BICD1: variants seen among roughly 807,000 people sequenced by gnomAD.
BICD1 encodes protein bicaudal D homolog 1.
BICD1 carries 35 observed loss-of-function variants against 92.5 expected under a neutral mutation model. The ratio of observed to expected loss-of-function variants is 0.38; its 90% CI spans 0.29 to 0.50. The LOEUF is 0.50. Ranked by LOEUF, BICD1 falls within the 20% of genes least tolerant of loss-of-function variation. The pLI, the probability that BICD1 is intolerant of heterozygous loss-of-function variation, is 0.93. For missense variants in BICD1, 950 were observed against 1,189.8 expected, an observed-to-expected ratio of 0.80 and a Z score of 2.97; for synonymous variants, 429 against 465.1, an observed-to-expected ratio of 0.92 and a Z score of 1.00.
intron 9 of BICD1, among the ~76,000 whole-genome samples, chr12:32,375,301 G>A (rs546351913): frequency 6.6e-6 from 1 of 152,148 alleles, no homozygotes; most frequent in South Asian, 2.1e-4. Flanking sequence ...GGCCGAGGTG[G>A]GCAGATCACT....
At chr12:32,177,747 T>TATATATAAATATTTTAATATATATTTA (rs1944151647) in intron 1 of BICD1, among the ~76,000 whole-genome samples, 1 of 82,216 alleles carries the variant, frequency 1.2e-5, no homozygotes, top group Non-Finnish European at 2.6e-5. Flanking sequence ...TTATATAAAA[T>TATATATAAATATTTTAATATATATTTA]ATATATAAAT....
chr12:32,143,785 C>A (rs1943025545), intron 1 of BICD1, among the ~76,000 whole-genome samples: 1 of 152,188 alleles, frequency 6.6e-6, no homozygotes, highest in African/African-American at 2.4e-5. Flanking sequence ...TCTCTATTCT[C>A]ACCATCATTG....
chr12:32,232,374 C>T (rs1482781413), intron 2 of BICD1, among the ~76,000 whole-genome samples: 1 of 152,064 alleles, frequency 6.6e-6, no homozygotes, highest in Non-Finnish European at 1.5e-5. Flanking sequence ...TTTTTGGCTG[C>T]ATAAATGTCT....
At chr12:32,154,618 A>G (rs935787529) in intron 1 of BICD1, among the ~76,000 whole-genome samples, 2 of 152,086 alleles carry the variant, frequency 1.3e-5, no homozygotes, top group Non-Finnish European at 2.9e-5. Flanking sequence ...CTTGAGAACC[A>G]CCTTTTCCAC....
intron 6 of BICD1, among the ~76,000 whole-genome samples, chr12:32,336,753 C>T (rs1006080131): frequency 1.3e-5 from 2 of 152,174 alleles, no homozygotes; most frequent in African/African-American, 4.8e-5. Context: ...GACTGTTATT[C>T]GTCTGTTACA....
chr12:32,205,566 C>G (rs1026060091), intron 1 of BICD1, among the ~76,000 whole-genome samples: 12 of 151,146 alleles, frequency 7.9e-5, no homozygotes, highest in Non-Finnish European at 1.5e-4. Flanking sequence ...ATTAAATTTA[C>G]TGAAATATAA....
intron 1 of BICD1, among the ~76,000 whole-genome samples, chr12:32,133,489 G>GA (rs556254282): frequency 8.2e-4 from 117 of 142,416 alleles, no homozygotes; most frequent in African/African-American, 8.7e-4. Context: ...CTCCATCTGG[G>GA]AAAAAAAAAA....
At chr12:32,114,044 A>AT (rs1467426329) in intron 1 of BICD1, among the ~76,000 whole-genome samples, 9 of 151,520 alleles carry the variant, frequency 5.9e-5, no homozygotes, top group Admixed American at 1.3e-4. Context: ...TAGTTTTTGT[A>AT]TTTTTTTTAG....
chr12:32,230,222 G>A (rs1262505207), intron 2 of BICD1, among the ~76,000 whole-genome samples: 7 of 151,858 alleles, frequency 4.6e-5, no homozygotes, highest in African/African-American at 1.7e-4. Flanking sequence ...CCTGCCATAG[G>A]AGAGAAGATC....
At chr12:32,323,680 C>T (rs760265266) in intron 4 of BICD1, among the ~76,000 whole-genome samples, 6 of 152,174 alleles carry the variant, frequency 3.9e-5, no homozygotes, top group Non-Finnish European at 8.8e-5. Context: ...ACTTAAAAGC[C>T]TCTAAATAAC....
chr12:32,306,286 C>T (rs1456931181), intron 4 of BICD1, among the ~76,000 whole-genome samples, 164 bp downstream of exon 4: 1 of 152,104 alleles, frequency 6.6e-6, no homozygotes, highest in Non-Finnish European at 1.5e-5. Flanking sequence ...CTCCATCGCC[C>T]AGGCTGGAGT....
At chr12:32,193,758 G>C (rs996954225) in intron 1 of BICD1, among the ~76,000 whole-genome samples, 1 of 152,164 alleles carries the variant, frequency 6.6e-6, no homozygotes, top group African/African-American at 2.4e-5. Flanking sequence ...GGCTTCTTTG[G>C]TGAGTTCTAC....
At chr12:32,232,427 A>G (rs1945919343) in intron 2 of BICD1, among the ~76,000 whole-genome samples, 1 of 151,470 alleles carries the variant, frequency 6.6e-6, no homozygotes, top group East Asian at 1.9e-4. Flanking sequence ...CTACTTTTTG[A>G]TGGGGTTGTT....
chr12:32,304,668 C>T (rs564925505), intron 3 of BICD1, among the ~76,000 whole-genome samples: 4 of 152,110 alleles, frequency 2.6e-5, no homozygotes, highest in Non-Finnish European at 5.9e-5. Context: ...CCTTCATGAC[C>T]AAGAGATTGT....
intron 1 of BICD1, among the ~76,000 whole-genome samples, chr12:32,111,372 TG>T (rs995508469): frequency 6.6e-6 from 1 of 152,248 alleles, no homozygotes; most frequent in African/African-American, 2.4e-5. Flanking sequence ...GGTGACCTGA[TG>T]AATGCCACTT....
intron 1 of BICD1, 99 bp downstream of exon 1, chr12:32,107,643 G>A: frequency 7.6e-7 from 1 of 1,322,404 alleles, no homozygotes; most frequent in Non-Finnish European, 1.1e-6. Context: ...GTGATTGAAA[G>A]GACTGTTTTT....
At chr12:32,133,049 G>A (rs1341136799) in intron 1 of BICD1, among the ~76,000 whole-genome samples, 1 of 152,098 alleles carries the variant, frequency 6.6e-6, no homozygotes, top group Admixed American at 6.5e-5. Context: ...TAGGAAGAAT[G>A]TAAAGAAATC....
chr12:32,335,114 A>C (rs1175031422), intron 6 of BICD1, among the ~76,000 whole-genome samples: 1 of 152,140 alleles, frequency 6.6e-6, no homozygotes, highest in East Asian at 1.9e-4. Context: ...ATACTGTCAT[A>C]ATGAAGATTA....
chr12:32,252,156 T>TTTATTATAAATATATAA (rs1946579584), intron 2 of BICD1, among the ~76,000 whole-genome samples: 1 of 37,110 alleles, frequency 2.7e-5, no homozygotes. Context: ...ATATTACATA[T>TTTATTATAAATATATAA]TATATATTTA....
Sources: gnomAD v4.1 joint callset for allele counts (sites outside exome capture counted in the v4.1 genomes callset) on GRCh38, gnomAD v4.1.1 for gene constraint, MANE v1.5 for transcripts, NCBI Gene and HGNC (gene_info 2026-07-23, HGNC 2026-07-21) for gene names.